STK32B: variants seen among roughly 807,000 people sequenced by gnomAD.
The protein encoded by STK32B is serine/threonine kinase 32B, also known as serine/threonine-protein kinase 32B.
Under a neutral mutation model 52.6 loss-of-function variants are expected in STK32B, and 43 were observed. The observed-to-expected ratio is 0.82, with a 90% CI of 0.64 to 1.05. The LOEUF is 1.05. Ranked by LOEUF, STK32B falls within the 50% of genes least tolerant of loss-of-function variation. STK32B has a pLI of 0.00. For synonymous variants in STK32B, 238 were observed against 204.3 expected (o/e 1.17, Z -1.41); for missense variants, 621 against 534.6 (o/e 1.16, Z -1.59).
the STK32B span, among the ~76,000 whole-genome samples, chr4:5,034,375 A>G: frequency 6.6e-6 from 1 of 152,162 alleles, no homozygotes; most frequent in Non-Finnish European, 1.5e-5. Context: ...TCCATCTGTC[A>G]CTTTCCTGCT....
intron 1 of STK32B, among the ~76,000 whole-genome samples, chr4:5,070,004 C>T (rs547144609): frequency 2.0e-5 from 3 of 152,284 alleles, no homozygotes; most frequent in Non-Finnish European, 4.4e-5. Flanking sequence ...GGATGCCTGG[C>T]TCAACACAGG....
intron 2 of STK32B, among the ~76,000 whole-genome samples, chr4:5,165,368 T>C (rs908403665): frequency 1.3e-5 from 2 of 152,212 alleles, no homozygotes; most frequent in Non-Finnish European, 2.9e-5. Flanking sequence ...AATTTAATTT[T>C]GGAGAGTCTC....
At chr4:5,286,725 A>T (rs1728565643) in intron 3 of STK32B, among the ~76,000 whole-genome samples, 1 of 150,644 alleles carries the variant, frequency 6.6e-6, no homozygotes, top group African/African-American at 2.5e-5. Context: ...CTGTTTTTGC[A>T]TTGTTGACCT....
chr4:5,487,273 A>G (rs1272621792), intron 11 of STK32B, among the ~76,000 whole-genome samples: 1 of 152,310 alleles, frequency 6.6e-6, no homozygotes, highest in Non-Finnish European at 1.5e-5. Context: ...GTGGTCTAGT[A>G]TTGATTTCCA....
chr4:5,254,401 TA>T (rs1577251629), intron 3 of STK32B, among the ~76,000 whole-genome samples: 2 of 152,144 alleles, frequency 1.3e-5, no homozygotes, highest in East Asian at 1.9e-4. Flanking sequence ...TTCCACCCCT[TA>T]AAAAATTATG....
At position 5,370,996 on chromosome 4, in the gene STK32B, GTA is replaced by G. The variant is rs1553879921; in HGVS notation, c.435-27197_435-27196del. On this transcript the variant is annotated intron_variant, in intron 4 of 11. Transcript: ENST00000282908. ...TAAATATATATATATGTGTGTGTGT[GTA>G]TATATATATATATGTATATATATGT... Among the ~76,000 whole-genome samples, 487 of 141,062 alleles carry G rather than the reference GTA, an allele frequency of 3.5e-3. 3 individuals are homozygous for G. Among genetic ancestry groups the G allele is most frequent in the African/African-American group, 0.011 (414 of 37,680 alleles). 92.5% of individuals were successfully genotyped at this position (141,062 alleles called of 152,430 possible). A position where few individuals can be genotyped will look rare whatever the true frequency, so the allele number is the denominator to read the frequency against.
chr4:5,127,431 G>A (rs1715473860), intron 1 of STK32B, among the ~76,000 whole-genome samples: 1 of 152,174 alleles, frequency 6.6e-6, no homozygotes, highest in Non-Finnish European at 1.5e-5. Context: ...TTCATCGGTG[G>A]CACAGATGTG....
intron 4 of STK32B, among the ~76,000 whole-genome samples, chr4:5,333,826 T>C (rs904955294): frequency 5.3e-5 from 8 of 152,226 alleles, no homozygotes; most frequent in Non-Finnish European, 7.3e-5. Flanking sequence ...TTGTGTTCCA[T>C]TGATGTATAT....
chr4:5,074,854 A>G (rs1711984261), intron 1 of STK32B, among the ~76,000 whole-genome samples: 1 of 152,064 alleles, frequency 6.6e-6, no homozygotes, highest in Non-Finnish European at 1.5e-5. Flanking sequence ...ACTTTGTTAG[A>G]ATGGATCTCT....
intron 8 of STK32B, among the ~76,000 whole-genome samples, chr4:5,459,292 C>T (rs985666458): frequency 6.7e-6 from 1 of 148,376 alleles, no homozygotes; most frequent in Non-Finnish European, 1.5e-5. Context: ...GCCCCCCCCC[C>T]CCACCTTTCT....
At chr4:5,175,442 CT>C (rs2108746323) in intron 3 of STK32B, among the ~76,000 whole-genome samples, 2 of 152,200 alleles carry the variant, frequency 1.3e-5, no homozygotes, top group East Asian at 3.9e-4. Flanking sequence ...TTTTATCTAC[CT>C]TTGGTCTTTG....
intron 1 of STK32B, among the ~76,000 whole-genome samples, chr4:5,122,224 T>C (rs1715069661): frequency 6.6e-6 from 1 of 152,176 alleles, no homozygotes; most frequent in Non-Finnish European, 1.5e-5. Flanking sequence ...ATTCACTCGC[T>C]TATTCACTCA....
At chr4:5,148,151 A>C (rs576436394) in intron 2 of STK32B, among the ~76,000 whole-genome samples, 15 of 151,936 alleles carry the variant, frequency 9.9e-5, no homozygotes, top group African/African-American at 3.6e-4. Context: ...GAAATTAATC[A>C]ATTTTCTCTA....
intron 4 of STK32B, among the ~76,000 whole-genome samples, chr4:5,333,660 G>A (rs1270184670): frequency 4.6e-5 from 7 of 152,188 alleles, no homozygotes; most frequent in African/African-American, 1.4e-4. Context: ...TGTATAAGGT[G>A]TAAGGAAGGG....
At chr4:5,339,335 C>A (rs1367016287) in intron 4 of STK32B, among the ~76,000 whole-genome samples, 1 of 152,014 alleles carries the variant, frequency 6.6e-6, no homozygotes, top group African/African-American at 2.4e-5. Flanking sequence ...TCTGGAGAAC[C>A]CTGACTACTG....
chr4:5,244,271 T>C (rs1725273058), intron 3 of STK32B, among the ~76,000 whole-genome samples: 1 of 152,224 alleles, frequency 6.6e-6, no homozygotes, highest in Admixed American at 6.5e-5. Context: ...ATTGGTCTAT[T>C]CAGAGATTCA....
At chr4:5,366,088 G>C (rs1234991714) in intron 4 of STK32B, among the ~76,000 whole-genome samples, 1 of 151,898 alleles carries the variant, frequency 6.6e-6, no homozygotes, top group Non-Finnish European at 1.5e-5. Context: ...AGGCCAACCT[G>C]TCAATGGAAA....
intron 4 of STK32B, among the ~76,000 whole-genome samples, chr4:5,377,314 C>T (rs1274804093): frequency 6.6e-6 from 1 of 152,116 alleles, no homozygotes; most frequent in African/African-American, 2.4e-5. Flanking sequence ...AAGAACTTAC[C>T]TTCAAAGGGA....
chr4:5,202,508 G>C (rs1427954169), intron 3 of STK32B, among the ~76,000 whole-genome samples: 4 of 152,254 alleles, frequency 2.6e-5, no homozygotes, highest in Non-Finnish European at 5.9e-5. Context: ...TGCCCCAGTG[G>C]GGACTCTGTG....
Sources: allele counts gnomAD v4.1 joint callset (sites outside exome capture counted in the v4.1 genomes callset), GRCh38; gene constraint gnomAD v4.1.1; transcripts MANE v1.5; gene names NCBI Gene and HGNC (gene_info 2026-07-23, HGNC 2026-07-21).